ZNF138: variants seen among roughly 807,000 people sequenced by gnomAD.
ZNF138 encodes zinc finger protein 138.
Under a neutral mutation model 33.0 loss-of-function variants are expected in ZNF138, and 33 were observed. The ratio of observed to expected loss-of-function variants is 1.00; its 90% CI spans 0.76 to 1.34. ZNF138 has a LOEUF of 1.34. Ranked by LOEUF, ZNF138 falls within the 40% of genes most tolerant of loss-of-function variation. ZNF138 has a pLI of 0.00. For missense variants in ZNF138, 360 were observed against 370.8 expected, an observed-to-expected ratio of 0.97 and a Z score of 0.24; for synonymous variants, 139 against 120.4, an observed-to-expected ratio of 1.15 and a Z score of -1.01.
At chr7:64,825,054 T>C (rs1789463033) in intron 3 of ZNF138, among the ~76,000 whole-genome samples, 2 of 151,700 alleles carry the variant, frequency 1.3e-5, no homozygotes, top group African/African-American at 4.8e-5. Flanking sequence ...TTTACCACTT[T>C]GGCCAGGCTG....
At chr7:64,818,992 G>A (rs1187783554) in intron 3 of ZNF138, among the ~76,000 whole-genome samples, 1 of 152,070 alleles carries the variant, frequency 6.6e-6, no homozygotes, top group Non-Finnish European at 1.5e-5. Context: ...TTGTAGTTCT[G>A]TATTAGTGTG....
chr7:64,838,871 G>A, the ZNF138 span, among the ~76,000 whole-genome samples: 11 of 148,620 alleles, frequency 7.4e-5, no homozygotes, highest in African/African-American at 1.2e-4. Flanking sequence ...TAAAATGGTG[G>A]CAGAGAAAAA....
the ZNF138 span, among the ~76,000 whole-genome samples, chr7:64,840,792 A>T: frequency 6.6e-6 from 1 of 152,122 alleles, no homozygotes; most frequent in Non-Finnish European, 1.5e-5. Context: ...ACAGAATTTT[A>T]GTTTTAATTT....
At chr7:64,811,183 T>A (rs2128997416) in intron 1 of ZNF138, among the ~76,000 whole-genome samples, 1 of 152,306 alleles carries the variant, frequency 6.6e-6, no homozygotes, top group South Asian at 2.1e-4. Context: ...GGGCCCTTTT[T>A]CTAAATCCAG....
intron 3 of ZNF138, among the ~76,000 whole-genome samples, chr7:64,825,447 A>G (rs941597218): frequency 1.5e-4 from 22 of 151,654 alleles, no homozygotes; most frequent in Admixed American, 1.1e-3. Flanking sequence ...CTGGGATTAC[A>G]GGCCTGAGCC....
intron 1 of ZNF138, 106 bp from the exon 2 acceptor site, chr7:64,814,810 CAT>C (rs1187225866): frequency 7.1e-7 from 1 of 1,406,934 alleles, no homozygotes; most frequent in Non-Finnish European, 9.8e-7. Flanking sequence ...TCCTGTAAGA[CAT>C]AATCAGTTTT....
intron 3 of ZNF138, among the ~76,000 whole-genome samples, chr7:64,820,771 C>T (rs1789060785): frequency 6.6e-6 from 1 of 151,512 alleles, no homozygotes; most frequent in South Asian, 2.1e-4. Context: ...ACCATTTTGG[C>T]CAGGCTGGTC....
intron 1 of ZNF138, among the ~76,000 whole-genome samples, chr7:64,812,600 G>A (rs1251277676): frequency 6.6e-6 from 1 of 152,184 alleles, no homozygotes; most frequent in African/African-American, 2.4e-5. Flanking sequence ...GACAGGAAAG[G>A]AGAAACTTGT....
At chr7:64,812,125 AAG>A (rs3977528) in intron 1 of ZNF138, among the ~76,000 whole-genome samples, 149,789 of 151,994 alleles carry the variant, frequency 0.99, 73,845 homozygotes, top group East Asian at 1. Flanking sequence ...AGAATCAAGT[AAG>A]AGGGGTTCAA....
rs551913337 is a variant in ZNF138, at chr7:64,827,355, C to T, written c.209-4096C>T. Among the ~76,000 whole-genome samples, 147 of 151,864 alleles carry T rather than the reference C, an allele frequency of 9.7e-4. 1 individual carries two copies. The highest frequency in any genetic ancestry group is 2.9e-3 in the African/African-American group (121 of 41,406). On this transcript the variant is annotated intron_variant, in intron 3 of 3. Coordinates refer to ENST00000307355, the MANE Select transcript of ZNF138 (RefSeq NM_001271639.2). ...CTCTGCCTCCCGGGTTCACGCCATT[C>T]TGCCTCAGCCTCCCGAGTAGCTGGG...
intron 3 of ZNF138, among the ~76,000 whole-genome samples, chr7:64,816,931 C>T (rs185937079): frequency 5.9e-5 from 9 of 152,282 alleles, no homozygotes; most frequent in East Asian, 5.8e-4. Flanking sequence ...CCTTTACTGG[C>T]TTGTTACAAC....
chr7:64,813,734 A>G (rs909153396), intron 1 of ZNF138, among the ~76,000 whole-genome samples: 1 of 152,068 alleles, frequency 6.6e-6, no homozygotes, highest in Non-Finnish European at 1.5e-5. Context: ...CCGCCTGGCC[A>G]AATGATTTTT....
At chr7:64,860,715 A>G in the ZNF138 span, among the ~76,000 whole-genome samples, 2 of 152,230 alleles carry the variant, frequency 1.3e-5, no homozygotes, top group African/African-American at 2.4e-5. Context: ...GCACAAACCC[A>G]GGAGGGTAGT....
chr7:64,849,939 A>G, the ZNF138 span, among the ~76,000 whole-genome samples: 1 of 152,026 alleles, frequency 6.6e-6, no homozygotes, highest in Non-Finnish European at 1.5e-5. Context: ...TGCTCACCCA[A>G]TTCACACCCT....
At chr7:64,819,359 AT>A (rs56762783) in intron 3 of ZNF138, among the ~76,000 whole-genome samples, 8 of 142,482 alleles carry the variant, frequency 5.6e-5, no homozygotes, top group Admixed American at 1.4e-4. Context: ...TTTCAGGGTA[AT>A]TTTTTTTTTT....
At chr7:64,815,445 G>T in intron 2 of ZNF138, 131 bp from the exon 3 acceptor site, 3 of 647,706 alleles carry the variant, frequency 4.6e-6, no homozygotes, top group Non-Finnish European at 4.9e-6. Context: ...TTAGCATTTT[G>T]GGATTAATTT....
At chr7:64,802,990 A>G (rs934307134) in intron 1 of ZNF138, among the ~76,000 whole-genome samples, 6 of 152,156 alleles carry the variant, frequency 3.9e-5, no homozygotes, top group Admixed American at 2.0e-4. Flanking sequence ...CCCCTCTTAC[A>G]TAACAATTGT....
Position 64,812,609 on chromosome 7 carries a change from G to C in ZNF138, c.4-2309G>C, listed in dbSNP as rs538649575. Among the ~76,000 whole-genome samples, 11 of 152,060 alleles carry C rather than the reference G, an allele frequency of 7.2e-5. No individual in the cohort carries two copies. The East Asian group carries it at 1.9e-3, about 27-fold the overall frequency. On this transcript the variant is annotated intron_variant, in intron 1 of 3. Transcript: ENST00000307355. ...CCTGAGGACAGGAAAGGAGAAACTT[G>C]TATTATTATTTCCATAGAGCAGCTT...
chr7:64,855,173 A>G, the ZNF138 span, among the ~76,000 whole-genome samples: 1 of 152,158 alleles, frequency 6.6e-6, no homozygotes, highest in Non-Finnish European at 1.5e-5. Context: ...GTTTACAGAG[A>G]TACCAATTTC....
Sources: allele counts gnomAD v4.1 joint callset (sites outside exome capture counted in the v4.1 genomes callset), GRCh38; gene constraint gnomAD v4.1.1; transcripts MANE v1.5; gene names NCBI Gene and HGNC (gene_info 2026-07-23, HGNC 2026-07-21).